Variants in CD58 observed in about 807,000 individuals in gnomAD.
CD58 encodes the protein CD58 molecule, also known as lymphocyte function-associated antigen 3.
CD58 carries 14 observed loss-of-function variants against 27.6 expected under a neutral mutation model. The observed-to-expected ratio is 0.51, with a 90% CI of 0.34 to 0.79. The LOEUF is 0.79. Among genes scored for constraint, CD58 ranks in the 30% least tolerant of loss-of-function variants. CD58 has a pLI of 0.02. For missense variants in CD58, 268 were observed against 301.7 expected (o/e 0.89, Z 0.83); for synonymous variants, 117 against 103.8 (o/e 1.13, Z -0.77).
At position 116,522,852 on chromosome 1, in the gene CD58, A is replaced by G. The variant is rs1053452746; in HGVS notation, c.629-869T>C. Among the ~76,000 whole-genome samples the G allele has an allele frequency of 2.2e-4, 34 of 152,344 alleles. No homozygotes were observed. The highest frequency in any genetic ancestry group is 8.2e-4 in the African/African-American group (34 of 41,580). On this transcript the variant is annotated intron_variant, in intron 3 of 5. Coordinates refer to ENST00000369489, the MANE Select transcript of CD58 (RefSeq NM_001779.3). This position sits in a 1 kb window ranked among gnomAD's most constrained non-coding sequence, Gnocchi z 4.6. The stretch of plus-strand genomic sequence containing the variant: ...ATAATAAGCCTTAAAAATATTTATC[A>G]TGAAGCATCTAGACATTGCACTAAG...
At chr1:116,569,440 C>T (rs949630353) in intron 1 of CD58, among the ~76,000 whole-genome samples, 4 of 152,146 alleles carry the variant, frequency 2.6e-5, no homozygotes, top group African/African-American at 9.7e-5. Flanking sequence ...TAAGGGGACA[C>T]TCAGCAATCT....
intron 1 of CD58, among the ~76,000 whole-genome samples, chr1:116,565,784 T>C (rs974884165): frequency 6.6e-6 from 1 of 151,630 alleles, no homozygotes; most frequent in Non-Finnish European, 1.5e-5. Flanking sequence ...TGCAGTGTTG[T>C]AATCTTGGCT....
intron 2 of CD58, among the ~76,000 whole-genome samples, chr1:116,540,222 C>T (rs1005089956): frequency 7.2e-5 from 11 of 152,076 alleles, no homozygotes; most frequent in African/African-American, 2.7e-4. Context: ...TAGGAAGTGC[C>T]AGGAAATCCC....
Position 116,519,122 on chromosome 1 carries a change from T to C in CD58, c.743+109A>G. On this transcript the variant is annotated intron_variant, in intron 5 of 5. Transcript: ENST00000369489. The surrounding 1 kb of genome is among the most constrained non-coding windows in gnomAD (Gnocchi z 4.7). ...ATCTGCTGATGTTACTTCTTATTAC[T>C]GTACAAGGCAACCAACAGATGAGTA... 1.9e-6 allele frequency: 3 copies of C among 1,555,564 alleles called. No homozygotes were observed. Among genetic ancestry groups the C allele is most frequent in the South Asian group, 1.2e-5 (1 of 84,478 alleles).
intron 1 of CD58, among the ~76,000 whole-genome samples, chr1:116,547,693 C>T (rs1193120719): frequency 6.6e-6 from 1 of 152,074 alleles, no homozygotes; most frequent in East Asian, 1.9e-4. Context: ...TTTATCCACT[C>T]ATTGATTGAT....
In CD58 at chr1:116,563,197, C is replaced by G. The variant is rs916806485; in HGVS notation, c.70+7706G>C. On this transcript the variant is annotated intron_variant, in intron 1 of 5. Coordinates refer to ENST00000369489, the MANE Select transcript of CD58 (RefSeq NM_001779.3). The surrounding 1 kb of genome is among the most constrained non-coding windows in gnomAD (Gnocchi z 4.1). ...AACCTTAAAGTTCCAAAATGATCTC[C>G]TTTGACTCCATGCCTCACATCCAGG... 3.9e-5 allele frequency among the ~76,000 whole-genome samples: 6 copies of G among 152,220 alleles called. No individual in the cohort carries two copies. The highest frequency in any genetic ancestry group is 8.8e-5 in the Non-Finnish European group (6 of 68,042).
At chr1:116,525,277 A>C (rs944513266) in intron 3 of CD58, among the ~76,000 whole-genome samples, 18 of 152,252 alleles carry the variant, frequency 1.2e-4, no homozygotes, top group African/African-American at 4.1e-4. Flanking sequence ...TCACATAGGT[A>C]AAATTTGCAT....
intron 1 of CD58, among the ~76,000 whole-genome samples, chr1:116,566,837 T>A (rs994934230): frequency 6.6e-6 from 1 of 151,702 alleles, no homozygotes; most frequent in East Asian, 1.9e-4. Flanking sequence ...TAAATATATA[T>A]ATAGAGAGAA....
rs2101169526 is a variant in CD58 at position 116,532,079 on chromosome 1, A to C, written c.628+3886T>G. The stretch of plus-strand genomic sequence containing the variant: ...TTCCCAGCCCAGCCCCTCACTGGAG[A>C]ACACTGCCGAATCCCAACTCCGGCA... On this transcript the variant is annotated intron_variant, in intron 3 of 5. Coordinates refer to ENST00000369489, the MANE Select transcript of CD58 (RefSeq NM_001779.3). This position sits in a 1 kb window ranked among gnomAD's most constrained non-coding sequence, Gnocchi z 5.1. Among the ~76,000 whole-genome samples the C allele has an allele frequency of 6.6e-6, 1 of 152,338 alleles. No homozygotes were observed. Among genetic ancestry groups the C allele is most frequent in the Non-Finnish European group, 1.5e-5 (1 of 68,016 alleles).
intron 2 of CD58, among the ~76,000 whole-genome samples, chr1:116,542,324 TCAAGTGAAGA>T (rs1658017589): frequency 1.3e-5 from 2 of 152,140 alleles, no homozygotes; most frequent in Non-Finnish European, 2.9e-5. Flanking sequence ...ATCCTGGATG[TCAAGTGAAGA>T]CAGTACTTGG....
At chr1:116,537,796 A>G (rs1007828853) in intron 2 of CD58, among the ~76,000 whole-genome samples, 3 of 152,238 alleles carry the variant, frequency 2.0e-5, no homozygotes, top group African/African-American at 7.2e-5. Context: ...AGGCCTGAGG[A>G]AACATGCAAA....
rs549395192 is a variant in CD58, at chr1:116,523,947, G to A, written c.629-1964C>T. Reference sequence around the variant, plus strand: ...AATTTGTTTTTAGTACATTATGAACGCATGAACTGAGCACAACTGATGTGT... The same window carrying A: ...AATTTGTTTTTAGTACATTATGAACACATGAACTGAGCACAACTGATGTGT... On this transcript the variant is annotated intron_variant, in intron 3 of 5. Transcript: ENST00000369489. The surrounding 1 kb of genome is among the most constrained non-coding windows in gnomAD (Gnocchi z 4.4). Among the ~76,000 whole-genome samples, 1 of 152,252 alleles carries A rather than the reference G, an allele frequency of 6.6e-6. No individual in the cohort carries two copies. The highest frequency in any genetic ancestry group is 1.5e-5 in the Non-Finnish European group (1 of 68,014).
rs928535257 is a variant in CD58 at position 116,522,385 on chromosome 1, C to T, written c.629-402G>A. 6.6e-6 allele frequency among the ~76,000 whole-genome samples: 1 copy of T among 152,074 alleles called. No homozygotes were observed. The highest frequency in any genetic ancestry group is 2.4e-5 in the African/African-American group (1 of 41,392). Reference sequence around the variant, plus strand: ...TGCAAGAAGGCTGCGATGTGCCTTGCAGAGAAAATAGGTGTATTAGATAAG... The same window carrying T: ...TGCAAGAAGGCTGCGATGTGCCTTGTAGAGAAAATAGGTGTATTAGATAAG... On this transcript the variant is annotated intron_variant, in intron 3 of 5. Transcript: ENST00000369489. The surrounding 1 kb of genome is among the most constrained non-coding windows in gnomAD (Gnocchi z 4.6).
At position 116,523,677 on chromosome 1, in the gene CD58, C is replaced by T. The variant is rs1415306530; in HGVS notation, c.629-1694G>A. On this transcript the variant is annotated intron_variant, in intron 3 of 5. Coordinates refer to ENST00000369489, the MANE Select transcript of CD58 (RefSeq NM_001779.3). This position sits in a 1 kb window ranked among gnomAD's most constrained non-coding sequence, Gnocchi z 4.4. ...TGCTTTTCTTTTCATGATGTCAGTG[C>T]CACTGAAGATCATTGTCTAGAGCCA... Among the ~76,000 whole-genome samples, 1 of 152,112 alleles carries T rather than the reference C, an allele frequency of 6.6e-6. No homozygotes were observed. Among genetic ancestry groups the T allele is most frequent in the African/African-American group, 2.4e-5 (1 of 41,412 alleles).
In CD58 at chr1:116,570,942, G is replaced by A. The variant is rs767001104; in HGVS notation, c.31C>T (p.Leu11=). 2.6e-6 allele frequency: 4 copies of A among 1,567,548 alleles called. No individual in the cohort carries two copies. The highest frequency in any genetic ancestry group is 1.9e-5 in the Admixed American group (1 of 54,036). Residue 11 remains leucine, a synonymous_variant, in exon 1 of 6, where the codon CTG becomes TTG. Transcript: ENST00000369489. The surrounding 1 kb of genome is among the most constrained non-coding windows in gnomAD (Gnocchi z 6.4). ...AGGCAGACCACGCTGAGGACCCCCAGGGCCCGCCCCGCGTCGCTCCCAGCA... is the reference window on the plus strand; with the variant it reads ...AGGCAGACCACGCTGAGGACCCCCAAGGCCCGCCCCGCGTCGCTCCCAGCA... The part of the protein sequence containing the change: MVAGSDAGRA[L]GVLSVVCLLH...
Position 116,552,647 on chromosome 1 carries a change from A to T in CD58, c.71-8043T>A, listed in dbSNP as rs1036614268. The stretch of plus-strand genomic sequence containing the variant: ...TATGTCATAAAATCTCCTTGAAATC[A>T]ACTGGTATAGCTATACTTTATTCTT... On this transcript the variant is annotated intron_variant, in intron 1 of 5. Coordinates refer to ENST00000369489, the MANE Select transcript of CD58 (RefSeq NM_001779.3). This position sits in a 1 kb window ranked among gnomAD's most constrained non-coding sequence, Gnocchi z 4.5. 2.6e-4 allele frequency among the ~76,000 whole-genome samples: 39 copies of T among 152,204 alleles called. No homozygotes were observed. The highest frequency in any genetic ancestry group is 9.4e-4 in the African/African-American group (39 of 41,446).
At position 116,536,781 on chromosome 1, in the gene CD58, A is replaced by T. The variant is rs189451981; in HGVS notation, c.365-553T>A. On this transcript the variant is annotated intron_variant, in intron 2 of 5. Transcript: ENST00000369489. The surrounding 1 kb of genome is among the most constrained non-coding windows in gnomAD (Gnocchi z 5.4). ...TTTATAGCAGTGTGAAAACAGACCA[A>T]TACAGGCCCCAAATCCCTTATCCTC... Among the ~76,000 whole-genome samples, 2 of 152,198 alleles carry T rather than the reference A, an allele frequency of 1.3e-5. No individual in the cohort carries two copies. The highest frequency in any genetic ancestry group is 2.9e-5 in the Non-Finnish European group (2 of 68,040).
rs1657287915 is a variant in CD58 at position 116,522,371 on chromosome 1, T to G, written c.629-388A>C. ...CAAGAGTTCCTAAGTGCAAGAAGGC[T>G]GCGATGTGCCTTGCAGAGAAAATAG... is the stretch of plus-strand genomic sequence containing the variant. On this transcript the variant is annotated intron_variant, in intron 3 of 5. Transcript: ENST00000369489. The surrounding 1 kb of genome is among the most constrained non-coding windows in gnomAD (Gnocchi z 4.6). Among the ~76,000 whole-genome samples, 1 of 152,202 alleles carries G rather than the reference T, an allele frequency of 6.6e-6. No individual in the cohort carries two copies. Among genetic ancestry groups the G allele is most frequent in the Non-Finnish European group, 1.5e-5 (1 of 68,034 alleles).
chr1:116,557,527 C>T lies in CD58; in HGVS notation c.71-12923G>A, dbSNP rs1658602823. ...GGGCACCACACCAGATAAACTTGTA[C>T]CCACTCATGGATGTCAGCCCCAATC... On this transcript the variant is annotated intron_variant, in intron 1 of 5. Transcript: ENST00000369489. The surrounding 1 kb of genome is among the most constrained non-coding windows in gnomAD (Gnocchi z 5.2). Among the ~76,000 whole-genome samples the T allele has an allele frequency of 6.6e-6, 1 of 152,196 alleles. No homozygotes were observed. Among genetic ancestry groups the T allele is most frequent in the Non-Finnish European group, 1.5e-5 (1 of 68,028 alleles).
Sources: gnomAD v4.1 joint callset for allele counts (sites outside exome capture counted in the v4.1 genomes callset) on GRCh38, gnomAD v4.1.1 for gene constraint, Gnocchi (gnomAD v3.1) non-coding constraint, MANE v1.5 for transcripts, NCBI Gene and HGNC (gene_info 2026-07-23, HGNC 2026-07-21) for gene names.